The following MAN2A1 variants were observed in gnomAD, a reference collection of about 807,000 sequenced individuals.
The protein encoded by MAN2A1 is alpha-mannosidase 2.
In MAN2A1, 76 loss-of-function variants were observed where a neutral mutation model predicts 142.6. That is an observed-to-expected ratio of 0.53 (90% CI 0.44 to 0.65). The LOEUF is 0.65. MAN2A1 is among the 30% of genes least tolerant of loss of function. MAN2A1 has a pLI of 0.00. For synonymous variants in MAN2A1, 559 were observed against 473.2 expected (o/e 1.18, Z -2.35); for missense variants, 1,311 against 1,365.1 (o/e 0.96, Z 0.62).
At chr5:109,766,234 A>G (rs1411525112) in intron 5 of MAN2A1, among the ~76,000 whole-genome samples, 1 of 152,160 alleles carries the variant, frequency 6.6e-6, no homozygotes, top group Non-Finnish European at 1.5e-5. Context: ...TACTGTGAAA[A>G]TTCTGGCTCC....
intron 5 of MAN2A1, among the ~76,000 whole-genome samples, chr5:109,761,493 G>A (rs1389573484): frequency 6.6e-6 from 1 of 151,890 alleles, no homozygotes; most frequent in South Asian, 2.1e-4. Flanking sequence ...TCATGTTTCC[G>A]TGGATGTGAC....
At position 109,755,321 on chromosome 5, in the gene MAN2A1, C is replaced by A. The variant is rs968671235; in HGVS notation, c.708-8C>A. The A allele has an allele frequency of 1.9e-6, 3 of 1,604,644 alleles. No individual in the cohort carries two copies. In the Admixed American group the frequency reaches 5.1e-5, roughly 27 times the overall value. On this transcript the variant is annotated splice_region_variant and splice_polypyrimidine_tract_variant and intron_variant, in intron 4 of 21. Transcript: ENST00000261483. ...TATTAATGTAGACTCTTGTTATTTTCTCTCTAGTTTAATAGAAAATGGTCA... is the reference window on the plus strand; with the variant it reads ...TATTAATGTAGACTCTTGTTATTTTATCTCTAGTTTAATAGAAAATGGTCA...
At chr5:109,839,647 CTCTTTTTTT>C (rs1303825709) in intron 16 of MAN2A1, among the ~76,000 whole-genome samples, 1 of 131,232 alleles carries the variant, frequency 7.6e-6, no homozygotes, top group Non-Finnish European at 1.6e-5. Flanking sequence ...CCCTGTCTCT[CTCTTTTTTT>C]TTTTTTTTTT....
intron 5 of MAN2A1, 113 bp from the exon 6 acceptor site, chr5:109,767,422 T>A (rs1753021472): frequency 2.5e-6 from 2 of 794,932 alleles, no homozygotes; most frequent in Non-Finnish European, 2.0e-6. Flanking sequence ...GGTAGATCCT[T>A]GGTCTGATAT....
In MAN2A1 at chr5:109,770,493, C is replaced by G; in HGVS notation, c.1148C>G (p.Pro383Arg). 6.2e-7 allele frequency: 1 copy of G among 1,613,856 alleles called. No individual in the cohort carries two copies. The highest frequency in any genetic ancestry group is 8.5e-7 in the Non-Finnish European group (1 of 1,179,878). The change falls in exon 7 of 22, where the codon CCC becomes CGC. Residue 383 changes from proline to arginine, a missense_variant. Pro to Arg is a moderately radical substitution (Grantham distance 103). This residue lies in a region of MAN2A1 where 890 missense variants were observed against 920.5 expected (regional missense o/e 0.97). Transcript: ENST00000261483. ...CTTCCTGGAGGCAGATTTGGTTGTC[C>G]CTGGGGAGTCCCCCCAGAAACAATA... is the stretch of plus-strand genomic sequence containing the variant. ...KRLPGGRFGC[P>R]WGVPPETIHP... is the part of the protein sequence containing the mutation.
chr5:109,855,100 A>T, intron 19 of MAN2A1, 40 bp from the exon 20 acceptor site: 1 of 1,117,364 alleles, frequency 8.9e-7, no homozygotes, highest in Non-Finnish European at 1.2e-6. Context: ...TGAGAACTGG[A>T]AATATAGACC....
At chr5:109,836,152 C>G (rs1755049905) in intron 16 of MAN2A1, among the ~76,000 whole-genome samples, 1 of 151,614 alleles carries the variant, frequency 6.6e-6, no homozygotes, top group Non-Finnish European at 1.5e-5. Context: ...TCTGTTGCCC[C>G]AGGCTGGAGT....
At chr5:109,766,565 T>A (rs888600834) in intron 5 of MAN2A1, among the ~76,000 whole-genome samples, 4 of 152,176 alleles carry the variant, frequency 2.6e-5, no homozygotes, top group Non-Finnish European at 5.9e-5. Context: ...TTGTCTTGTG[T>A]GTTACTTTGT....
intron 14 of MAN2A1, 52 bp from the exon 15 acceptor site, chr5:109,820,168 T>C: frequency 6.8e-7 from 1 of 1,474,936 alleles, no homozygotes; most frequent in Non-Finnish European, 9.3e-7. Context: ...AGATGCAACA[T>C]GCTTAACATC....
intron 16 of MAN2A1, among the ~76,000 whole-genome samples, chr5:109,835,404 G>C (rs916683668): frequency 1.3e-5 from 2 of 152,208 alleles, no homozygotes; most frequent in East Asian, 3.8e-4. Flanking sequence ...TTGCCTGAGA[G>C]CCAGTATTTT....
rs1200646906 is a variant in MAN2A1 at position 109,781,326 on chromosome 5, C to A, written c.1375-70C>A. 1.5e-5 allele frequency: 12 copies of A among 808,172 alleles called. No homozygotes were observed. In the South Asian group the frequency reaches 1.9e-4, roughly 13 times the overall value. 50.1% of individuals were successfully genotyped at this position (808,172 alleles called of 1,614,324 possible). ...ATGTTAAATATTTATTATTAACTTTCCCTAACAGTGTAAGAAGTAAATAAT... is the reference window on the plus strand; with the variant it reads ...ATGTTAAATATTTATTATTAACTTTACCTAACAGTGTAAGAAGTAAATAAT... On this transcript the variant is annotated intron_variant, in intron 8 of 21. Transcript: ENST00000261483.
chr5:109,756,386 A>G lies in MAN2A1; in HGVS notation c.835+930A>G, dbSNP rs149530678. ...AAATATTTTATATCTCAGTATAATA[A>G]TGTAGTTTTTTATGTAAGTATATGT... On this transcript the variant is annotated intron_variant, in intron 5 of 21. Transcript: ENST00000261483. Among the ~76,000 whole-genome samples, 303 of 151,742 alleles carry G rather than the reference A, an allele frequency of 2.0e-3. 1 individual carries two copies. Among genetic ancestry groups the G allele is most frequent in the Non-Finnish European group, 2.7e-3 (181 of 67,716 alleles).
intron 6 of MAN2A1, among the ~76,000 whole-genome samples, chr5:109,768,057 A>G (rs568636381): frequency 6.6e-6 from 1 of 152,316 alleles, no homozygotes; most frequent in African/African-American, 2.4e-5. Context: ...CATATATCTT[A>G]TATTCAGCCA....
At chr5:109,735,873 T>A (rs914128197) in intron 4 of MAN2A1, among the ~76,000 whole-genome samples, 1 of 137,266 alleles carries the variant, frequency 7.3e-6, no homozygotes, top group Non-Finnish European at 1.5e-5. Flanking sequence ...ATAATTTCCA[T>A]TGGAGTTTTT....
intron 12 of MAN2A1, among the ~76,000 whole-genome samples, chr5:109,797,242 G>T (rs952667229): frequency 6.6e-6 from 1 of 151,880 alleles, no homozygotes; most frequent in African/African-American, 2.4e-5. Context: ...TTATTACAGA[G>T]ACCAGATGAA....
intron 7 of MAN2A1, among the ~76,000 whole-genome samples, chr5:109,774,205 G>T (rs1242821730): frequency 1.3e-5 from 2 of 152,128 alleles, no homozygotes; most frequent in South Asian, 2.1e-4. Context: ...TTGGTGGCAG[G>T]TGACAAGTGT....
intron 10 of MAN2A1, among the ~76,000 whole-genome samples, chr5:109,787,660 T>G (rs1230668902): frequency 6.6e-6 from 1 of 151,954 alleles, no homozygotes; most frequent in Non-Finnish European, 1.5e-5. Flanking sequence ...TCAGTTTAAT[T>G]AGGACTCTTT....
rs574751733 is a variant in MAN2A1, at chr5:109,693,623, A to G, written c.135+3071A>G. Among the ~76,000 whole-genome samples the G allele has an allele frequency of 3.2e-3, 486 of 151,838 alleles. 5 individuals are homozygous for G. The highest frequency in any genetic ancestry group is 0.011 in the African/African-American group (449 of 41,380). ...GGGTTTGTTCTTTTTCTCTTCTCTC[A>G]CAACTCTGGTGTTTTCCACCATTTG... On this transcript the variant is annotated intron_variant, in intron 1 of 21. Coordinates refer to ENST00000261483, the MANE Select transcript of MAN2A1 (RefSeq NM_002372.4).
At chr5:109,722,094 CAT>C (rs1224028206) in intron 3 of MAN2A1, among the ~76,000 whole-genome samples, 1 of 152,158 alleles carries the variant, frequency 6.6e-6, no homozygotes, top group Non-Finnish European at 1.5e-5. Flanking sequence ...CAGTTTTTAA[CAT>C]ATTGCGTTTT....
Sources: allele counts gnomAD v4.1 joint callset (sites outside exome capture counted in the v4.1 genomes callset), GRCh38; gene constraint gnomAD v4.1.1; regional missense constraint gnomAD v4.1.1; transcripts MANE v1.5; gene names NCBI Gene and HGNC (gene_info 2026-07-23, HGNC 2026-07-21).